NFIA: variants seen among roughly 807,000 people sequenced by gnomAD.
NFIA encodes the protein nuclear factor 1 A-type.
A neutral mutation model predicts 62.8 loss-of-function variants in NFIA; 8 were observed. The observed-to-expected ratio is 0.13, with a 90% CI of 0.07 to 0.23. NFIA has a LOEUF of 0.23. NFIA is among the 10% of genes least tolerant of loss of function. The pLI, the probability that NFIA is intolerant of heterozygous loss-of-function variation, is 1.00. For synonymous variants in NFIA, 235 were observed against 238.1 expected, an observed-to-expected ratio of 0.99 and a Z score of 0.12; for missense variants, 410 against 642.1, an observed-to-expected ratio of 0.64 and a Z score of 3.91.
intron 2 of NFIA, among the ~76,000 whole-genome samples, chr1:61,232,285 A>G (rs1301936474): frequency 2.0e-5 from 3 of 152,186 alleles, no homozygotes; most frequent in Non-Finnish European, 4.4e-5. Context: ...AATTATGAAT[A>G]ATCCAAGTTT....
At chr1:61,324,941 A>G (rs1557706936) in intron 3 of NFIA, among the ~76,000 whole-genome samples, 1 of 152,238 alleles carries the variant, frequency 6.6e-6, no homozygotes, top group African/African-American at 2.4e-5. Context: ...TGGGAATTCA[A>G]TGAACAAGAC....
chr1:61,353,310 A>G (rs145169063), intron 5 of NFIA, among the ~76,000 whole-genome samples: 87 of 152,320 alleles, frequency 5.7e-4, no homozygotes, highest in Admixed American at 1.1e-3. Context: ...AAGCTAGAGT[A>G]GTGTAACCTG....
chr1:61,122,441 G>A (rs764666135), intron 2 of NFIA, among the ~76,000 whole-genome samples: 1 of 152,112 alleles, frequency 6.6e-6, no homozygotes, highest in Non-Finnish European at 1.5e-5. Flanking sequence ...TGAGTGTCTC[G>A]TTAGACATAC....
chr1:61,421,746 T>C (rs1666631005), intron 9 of NFIA, among the ~76,000 whole-genome samples: 1 of 152,208 alleles, frequency 6.6e-6, no homozygotes, highest in Admixed American at 6.5e-5. Flanking sequence ...GGGGTGTTTG[T>C]TCAAAGAGCA....
At chr1:61,249,401 C>T (rs1176695960) in intron 2 of NFIA, among the ~76,000 whole-genome samples, 1 of 152,130 alleles carries the variant, frequency 6.6e-6, no homozygotes, top group Non-Finnish European at 1.5e-5. Flanking sequence ...TCAGCCAACA[C>T]GTTTTTTAAG....
At chr1:61,114,845 A>C (rs1450931641) in intron 2 of NFIA, among the ~76,000 whole-genome samples, 1 of 152,180 alleles carries the variant, frequency 6.6e-6, no homozygotes, top group Non-Finnish European at 1.5e-5. Flanking sequence ...CAAACACCAC[A>C]TTTTGGGTAT....
chr1:61,131,101 A>G (rs1353543821), intron 2 of NFIA, among the ~76,000 whole-genome samples: 1 of 152,188 alleles, frequency 6.6e-6, no homozygotes, highest in African/African-American at 2.4e-5. Context: ...AAGATTAATT[A>G]AAATATAAAA....
intron 4 of NFIA, among the ~76,000 whole-genome samples, chr1:61,337,245 G>A (rs1489257184): frequency 6.6e-6 from 1 of 152,108 alleles, no homozygotes; most frequent in East Asian, 1.9e-4. Flanking sequence ...TGGAATCAGG[G>A]ACTCCTGCTG....
intron 6 of NFIA, among the ~76,000 whole-genome samples, chr1:61,379,515 C>T (rs1664313901): frequency 2.0e-5 from 3 of 150,188 alleles, no homozygotes; most frequent in African/African-American, 7.4e-5. Context: ...TCAAGCAATC[C>T]TCCTGCCTCC....
chr1:61,397,059 G>A (rs1328482508), intron 7 of NFIA, among the ~76,000 whole-genome samples: 1 of 151,944 alleles, frequency 6.6e-6, no homozygotes, highest in African/African-American at 2.4e-5. Flanking sequence ...TGGTGAAGAG[G>A]GAGGTCAGTA....
intron 2 of NFIA, among the ~76,000 whole-genome samples, chr1:61,130,938 C>T (rs1157050100): frequency 2.6e-5 from 4 of 152,074 alleles, no homozygotes; most frequent in Non-Finnish European, 5.9e-5. Context: ...ATTCATAAGA[C>T]GTTTCTTTTT....
chr1:61,102,866 G>T (rs1033485953), intron 2 of NFIA, among the ~76,000 whole-genome samples: 2 of 152,038 alleles, frequency 1.3e-5, no homozygotes, highest in African/African-American at 4.8e-5. Context: ...AAATTCTAAC[G>T]CATCAGCCTC....
chr1:61,084,850 G>GTT (rs915183799), intron 1 of NFIA, among the ~76,000 whole-genome samples: 1 of 146,486 alleles, frequency 6.8e-6, no homozygotes, highest in Non-Finnish European at 1.5e-5. Context: ...CATTAAGAGA[G>GTT]TTTTTTTTTT....
At chr1:61,109,346 A>G (rs1646656729) in intron 2 of NFIA, among the ~76,000 whole-genome samples, 1 of 151,876 alleles carries the variant, frequency 6.6e-6, no homozygotes, top group Non-Finnish European at 1.5e-5. Context: ...GGTAGGTCCC[A>G]ACTGTCATTG....
intron 2 of NFIA, among the ~76,000 whole-genome samples, chr1:61,227,249 T>G (rs1654390227): frequency 6.6e-6 from 1 of 152,252 alleles, no homozygotes; most frequent in Non-Finnish European, 1.5e-5. Context: ...GGTTTCAATT[T>G]TATTTTGGGT....
intron 2 of NFIA, among the ~76,000 whole-genome samples, chr1:61,234,587 T>G (rs17377218): frequency 0.043 from 6,538 of 152,182 alleles, 209 homozygotes; most frequent in Non-Finnish European, 0.063. Context: ...TACTAGCATA[T>G]AAAAGAAAGT....
chr1:61,320,195 A>G lies in NFIA; in HGVS notation c.626-12317A>G, dbSNP rs149713690. Among the ~76,000 whole-genome samples the G allele has an allele frequency of 6.8e-3, 1,039 of 152,188 alleles. 8 individuals carry two copies. The highest frequency in any genetic ancestry group is 0.014 in the Middle Eastern group (4 of 294). ...TTAAAAGTGTTCCTCCATTGTGCTA[A>G]CACGACATGGCCTGAACAGTCTAAT... On this transcript the variant is annotated intron_variant, in intron 3 of 10. Coordinates refer to ENST00000403491, the MANE Select transcript of NFIA (RefSeq NM_001134673.4).
intron 3 of NFIA, among the ~76,000 whole-genome samples, chr1:61,303,706 T>C (rs566945934): frequency 6.6e-6 from 1 of 152,288 alleles, no homozygotes; most frequent in Admixed American, 6.5e-5. Flanking sequence ...AACACAGATC[T>C]CTGGGCACTA....
At chr1:61,159,224 T>A (rs1447454054) in intron 2 of NFIA, among the ~76,000 whole-genome samples, 1 of 152,014 alleles carries the variant, frequency 6.6e-6, no homozygotes, top group African/African-American at 2.4e-5. Flanking sequence ...CTGGTGAGAG[T>A]TAACTTCTTA....
Sources: allele counts gnomAD v4.1 joint callset (sites outside exome capture counted in the v4.1 genomes callset), GRCh38; gene constraint gnomAD v4.1.1; transcripts MANE v1.5; gene names NCBI Gene and HGNC (gene_info 2026-07-23, HGNC 2026-07-21).